Variants in RARB observed in about 807,000 individuals in gnomAD.
The protein encoded by RARB is HBV-activated protein.
A neutral mutation model predicts 51.9 loss-of-function variants in RARB; 17 were observed. That is an observed-to-expected ratio of 0.33 (90% CI 0.22 to 0.49). The LOEUF is 0.49. Among genes scored for constraint, RARB ranks in the 20% least tolerant of loss-of-function variants. The probability of loss-of-function intolerance (pLI) is 0.99; values close to 1 mark genes in which losing one functional copy is unlikely to be tolerated. For synonymous variants in RARB, 215 were observed against 195.4 expected (o/e 1.10, Z -0.84); for missense variants, 369 against 550.8 (o/e 0.67, Z 3.30).
At chr3:25,033,722 CT>C (rs1430897300) in intron 2 of RARB, among the ~76,000 whole-genome samples, 2 of 152,146 alleles carry the variant, frequency 1.3e-5, no homozygotes, top group African/African-American at 4.8e-5. Context: ...AGGCAAATTG[CT>C]CTGTTGACTA....
chr3:25,197,496 C>T (rs1242510899), intron 5 of RARB, among the ~76,000 whole-genome samples: 2 of 151,868 alleles, frequency 1.3e-5, no homozygotes, highest in African/African-American at 2.4e-5. Context: ...AGGAGGAAGT[C>T]AATGTATCCT....
intron 5 of RARB, among the ~76,000 whole-genome samples, chr3:25,184,062 C>A (rs1285422385): frequency 6.6e-6 from 1 of 152,072 alleles, no homozygotes; most frequent in South Asian, 2.1e-4. Context: ...AACTTGGCCC[C>A]TACCATTGTC....
chr3:25,027,380 T>C (rs1604002), intron 2 of RARB, among the ~76,000 whole-genome samples: 102,784 of 151,864 alleles, frequency 0.68, 35,082 homozygotes, highest in East Asian at 0.87. Context: ...AAGACATGGC[T>C]TCTCTGAGCC....
chr3:25,463,084 G>C (rs1053711641), intron 2 of RARB, among the ~76,000 whole-genome samples: 1 of 152,106 alleles, frequency 6.6e-6, no homozygotes, highest in Non-Finnish European at 1.5e-5. Context: ...TGTTGCCCAG[G>C]CTGACCTCGA....
intron 2 of RARB, among the ~76,000 whole-genome samples, chr3:24,943,383 A>G (rs1207012114): frequency 2.0e-5 from 3 of 152,164 alleles, no homozygotes; most frequent in Non-Finnish European, 4.4e-5. Flanking sequence ...TTGCGTGCCT[A>G]ATTCTCTTCC....
chr3:24,965,129 C>T (rs1696227709), intron 2 of RARB, among the ~76,000 whole-genome samples: 1 of 152,164 alleles, frequency 6.6e-6, no homozygotes, highest in African/African-American at 2.4e-5. Flanking sequence ...TACTAAGGTT[C>T]ACTTCTGGTT....
At chr3:25,386,230 G>A (rs916399195) in intron 5 of RARB, among the ~76,000 whole-genome samples, 2 of 152,092 alleles carry the variant, frequency 1.3e-5, no homozygotes, top group South Asian at 2.1e-4. Context: ...AAGCTGAAAC[G>A]TAAAGGTTGG....
intron 3 of RARB, among the ~76,000 whole-genome samples, chr3:25,060,431 G>A (rs894379546): frequency 6.6e-6 from 1 of 151,808 alleles, no homozygotes; most frequent in African/African-American, 2.4e-5. Flanking sequence ...ATGGTATAGA[G>A]CAGAGGGTTG....
intron 5 of RARB, among the ~76,000 whole-genome samples, chr3:25,343,719 C>G (rs975537855): frequency 6.6e-6 from 1 of 151,886 alleles, no homozygotes; most frequent in Non-Finnish European, 1.5e-5. Flanking sequence ...TCTTCAAGTC[C>G]GTATTTAACT....
At chr3:25,376,490 T>G (rs902140910) in intron 5 of RARB, among the ~76,000 whole-genome samples, 1 of 151,752 alleles carries the variant, frequency 6.6e-6, no homozygotes, top group African/African-American at 2.4e-5. Context: ...CACTCCTTGC[T>G]CTGTAAAACC....
At chr3:24,906,307 G>A (rs907867704) in intron 2 of RARB, among the ~76,000 whole-genome samples, 1 of 152,190 alleles carries the variant, frequency 6.6e-6, no homozygotes, top group African/African-American at 2.4e-5. Flanking sequence ...AAGAATGGAT[G>A]GATCTTAGTG....
intron 4 of RARB, among the ~76,000 whole-genome samples, chr3:25,156,516 CAAAAAAAAAA>C (rs35710364): frequency 3.5e-5 from 2 of 56,810 alleles, no homozygotes; most frequent in Admixed American, 5.4e-4. Context: ...GCCCCAACTG[CAAAAAAAAAA>C]AAAAAAAAAA....
intron 5 of RARB, among the ~76,000 whole-genome samples, chr3:25,408,837 C>T (rs1022396842): frequency 6.6e-6 from 1 of 152,038 alleles, no homozygotes; most frequent in Admixed American, 6.6e-5. Context: ...AATTCAAGAC[C>T]AGCCTGGCCA....
At chr3:24,925,337 A>G (rs1051329003) in intron 2 of RARB, among the ~76,000 whole-genome samples, 1 of 152,162 alleles carries the variant, frequency 6.6e-6, no homozygotes, top group African/African-American at 2.4e-5. Flanking sequence ...TTTGTTGTAG[A>G]TATGTCCTTG....
At chr3:25,499,171 G>A (rs1186268180) in intron 2 of RARB, among the ~76,000 whole-genome samples, 1 of 152,138 alleles carries the variant, frequency 6.6e-6, no homozygotes, top group Non-Finnish European at 1.5e-5. Flanking sequence ...TGTTACATGA[G>A]CATTCTTTGC....
chr3:24,903,228 A>G (rs1703644127), intron 2 of RARB, among the ~76,000 whole-genome samples: 1 of 152,112 alleles, frequency 6.6e-6, no homozygotes, highest in African/African-American at 2.4e-5. Flanking sequence ...TTGGCCAAAG[A>G]AAATAAAATG....
At chr3:25,440,674 G>A (rs1345044998) in intron 1 of RARB, among the ~76,000 whole-genome samples, 1 of 152,028 alleles carries the variant, frequency 6.6e-6, no homozygotes, top group Non-Finnish European at 1.5e-5. Context: ...TCAGGAGGCT[G>A]AGGCAGGAGA....
chr3:24,947,316 C>T (rs1325910576), intron 2 of RARB, among the ~76,000 whole-genome samples: 1 of 152,180 alleles, frequency 6.6e-6, no homozygotes, highest in Admixed American at 6.5e-5. Context: ...TCTCTGTTTA[C>T]CAATCCTATC....
intron 5 of RARB, among the ~76,000 whole-genome samples, chr3:25,401,427 G>C (rs1223455242): frequency 3.9e-5 from 6 of 152,028 alleles, no homozygotes; most frequent in Admixed American, 1.3e-4. Flanking sequence ...AAACTTACCA[G>C]ACATACTAAG....
Sources: allele counts gnomAD v4.1 joint callset (sites outside exome capture counted in the v4.1 genomes callset), GRCh38; gene constraint gnomAD v4.1.1; transcripts MANE v1.5; gene names NCBI Gene and HGNC (gene_info 2026-07-23, HGNC 2026-07-21).